The following CARMIL1 variants were observed in gnomAD, a reference collection of about 807,000 sequenced individuals.
The protein encoded by CARMIL1 is capping protein regulator and myosin 1 linker 1, also known as F-actin-uncapping protein LRRC16A.
In CARMIL1, 90 loss-of-function variants were observed where a neutral mutation model predicts 177.1. The ratio of observed to expected loss-of-function variants is 0.51; its 90% CI spans 0.43 to 0.61. CARMIL1 has a LOEUF of 0.61. Ranked by LOEUF, CARMIL1 falls within the 20% of genes least tolerant of loss-of-function variation. CARMIL1 has a pLI of 0.00. For missense variants in CARMIL1, 1,380 were observed against 1,667.0 expected, an observed-to-expected ratio of 0.83 and a Z score of 3.00; for synonymous variants, 577 against 606.2, an observed-to-expected ratio of 0.95 and a Z score of 0.71.
At chr6:25,500,681 T>TA (rs1187075754) in intron 17 of CARMIL1, among the ~76,000 whole-genome samples, 1 of 152,178 alleles carries the variant, frequency 6.6e-6, no homozygotes, top group Non-Finnish European at 1.5e-5. Context: ...AAAATTAACA[T>TA]ACCTCTAGAA....
At chr6:25,319,850 C>G (rs1784553870) in intron 2 of CARMIL1, among the ~76,000 whole-genome samples, 2 of 148,764 alleles carry the variant, frequency 1.3e-5, no homozygotes, top group Non-Finnish European at 3.0e-5. Context: ...CTTACTGAAC[C>G]TCCACCTCCG....
rs139280881 is a variant in CARMIL1, at chr6:25,561,481, T to G, written c.2742+4631T>G. ...TATTGCTGTTCCTAGGAAAAGAATC[T>G]TAAAAAGCTTGAATTATTACAGAAC... On this transcript the variant is annotated intron_variant, in intron 29 of 36. Transcript: ENST00000329474. Among the ~76,000 whole-genome samples the G allele has an allele frequency of 2.6e-3, 389 of 152,318 alleles. 2 individuals carry two copies. The highest frequency in any genetic ancestry group is 8.3e-3 in the African/African-American group (344 of 41,568).
At position 25,299,347 on chromosome 6, in the gene CARMIL1, T is replaced by C. The variant is rs563456599; in HGVS notation, c.138+14438T>C. Reference sequence around the variant, plus strand: ...CACCATACCCAGCTAATTTTTTGTATTTTTAGTAGAGACGGGGTTTTACCA... The same window carrying C: ...CACCATACCCAGCTAATTTTTTGTACTTTTAGTAGAGACGGGGTTTTACCA... On this transcript the variant is annotated intron_variant, in intron 2 of 36. Transcript: ENST00000329474. Among the ~76,000 whole-genome samples the C allele has an allele frequency of 5.3e-5, 8 of 151,516 alleles. No homozygotes were observed. In the South Asian group the frequency reaches 6.3e-4, roughly 12 times the overall value.
intron 29 of CARMIL1, among the ~76,000 whole-genome samples, chr6:25,565,374 G>C (rs1429925878): frequency 2.0e-5 from 3 of 152,208 alleles, no homozygotes; most frequent in Non-Finnish European, 4.4e-5. Flanking sequence ...ACAAGGCCCT[G>C]GTTGTGATGT....
chr6:25,450,758 CCCTCCCTTCCTCCCTCCCCTCCCTCCCTT>C lies in CARMIL1; in HGVS notation c.614+55_614+83del, dbSNP rs779336971. Reference sequence around the variant, plus strand: ...TTCCTCCTTTCCTCCCTCCCTTCCTCCCTCCCTTCCTCCCTCCCCTCCCTCCCTTCCTCCCTCCCTTCCTCCCTCCCCTC... The same window carrying C: ...TTCCTCCTTTCCTCCCTCCCTTCCTCCCTCCCTCCCTTCCTCCCTCCCCTC... On this transcript the variant is annotated intron_variant, in intron 8 of 36. Transcript: ENST00000329474. 44 of 436,006 alleles carry C rather than the reference CCCTCCCTTCCTCCCTCCCCTCCCTCCCTT, an allele frequency of 1.0e-4. No homozygotes were observed. The African/African-American group carries it at 1.5e-3, about 15-fold the overall frequency. The allele number at this position is 436,006 out of a possible 1,614,324, so 27.0% of individuals were successfully genotyped here. A position where few individuals can be genotyped will look rare whatever the true frequency, so the allele number is the denominator to read the frequency against.
chr6:25,537,739 C>CT (rs965728212), intron 24 of CARMIL1, 116 bp from the exon 25 acceptor site: 1 of 1,229,938 alleles, frequency 8.1e-7, no homozygotes, highest in African/African-American at 1.5e-5. Flanking sequence ...GGTTTTCATC[C>CT]TTGTGCATTC....
At chr6:25,453,093 T>C (rs1439408207) in intron 8 of CARMIL1, among the ~76,000 whole-genome samples, 1 of 152,168 alleles carries the variant, frequency 6.6e-6, no homozygotes, top group Non-Finnish European at 1.5e-5. Context: ...CTTCCTCTTG[T>C]ATAATAGCAA....
chr6:25,383,225 G>T (rs573355781), intron 2 of CARMIL1, among the ~76,000 whole-genome samples: 14 of 152,278 alleles, frequency 9.2e-5, no homozygotes, highest in East Asian at 3.9e-4. Flanking sequence ...TGGGTCTGTT[G>T]TTGGGAATAA....
chr6:25,421,937 G>T (rs963669250), intron 3 of CARMIL1, among the ~76,000 whole-genome samples: 1 of 150,640 alleles, frequency 6.6e-6, no homozygotes, highest in Non-Finnish European at 1.5e-5. Context: ...GAGTTAATGG[G>T]TGCAGCACAC....
intron 2 of CARMIL1, among the ~76,000 whole-genome samples, chr6:25,346,612 G>A (rs556223040): frequency 6.6e-6 from 1 of 152,314 alleles, no homozygotes; most frequent in African/African-American, 2.4e-5. Context: ...CTACTGGAGT[G>A]TAAGTTCCAC....
intron 5 of CARMIL1, among the ~76,000 whole-genome samples, chr6:25,441,329 A>ATG (rs1183352138): frequency 1.2e-4 from 6 of 49,584 alleles, no homozygotes; most frequent in African/African-American, 5.0e-4. Flanking sequence ...ACATATATAT[A>ATG]TATATATATG....
chr6:25,585,696 C>G (rs952330514), intron 31 of CARMIL1, among the ~76,000 whole-genome samples: 1 of 152,116 alleles, frequency 6.6e-6, no homozygotes, highest in African/African-American at 2.4e-5. Flanking sequence ...GACCCTGCGG[C>G]CTTCCGCAGT....
In CARMIL1 at chr6:25,604,904, C is replaced by T; in HGVS notation, c.3634+11C>T. ...ATGGAGGTGGGGCAGGTAAGTCAGG[C>T]CATTGCCATCACCCCCTTAGGAAAA... On this transcript the variant is annotated intron_variant, in intron 34 of 36. Transcript: ENST00000329474. 6.3e-7 allele frequency: 1 copy of T among 1,579,458 alleles called. No individual in the cohort carries two copies. The highest frequency in any genetic ancestry group is 8.6e-7 in the Non-Finnish European group (1 of 1,162,410).
intron 23 of CARMIL1, among the ~76,000 whole-genome samples, chr6:25,523,980 A>G (rs1445031846): frequency 6.6e-6 from 1 of 152,204 alleles, no homozygotes; most frequent in Non-Finnish European, 1.5e-5. Flanking sequence ...CATGAGTCCC[A>G]ATGGGCTATC....
chr6:25,562,286 C>T (rs377315476), intron 29 of CARMIL1, among the ~76,000 whole-genome samples: 5 of 150,938 alleles, frequency 3.3e-5, no homozygotes, highest in African/African-American at 7.3e-5. Context: ...CTTGCTCTGT[C>T]GCCCAGGCTA....
intron 2 of CARMIL1, among the ~76,000 whole-genome samples, chr6:25,287,983 C>T (rs550985297): frequency 6.6e-6 from 1 of 152,186 alleles, no homozygotes; most frequent in Non-Finnish European, 1.5e-5. Flanking sequence ...CTTCATGGGA[C>T]TCGAAGCTTA....
chr6:25,423,616 C>A (rs974094754), intron 3 of CARMIL1, among the ~76,000 whole-genome samples: 1 of 152,162 alleles, frequency 6.6e-6, no homozygotes, highest in Non-Finnish European at 1.5e-5. Context: ...GAAGCATAGA[C>A]TGCTGCCTGG....
rs920438676 is a variant in CARMIL1, at chr6:25,461,827, A to G, written c.615-4046A>G. Among the ~76,000 whole-genome samples the G allele has an allele frequency of 3.9e-5, 6 of 152,184 alleles. No individual in the cohort carries two copies. In the East Asian group the frequency reaches 9.7e-4, roughly 25 times the overall value. The stretch of plus-strand genomic sequence containing the variant: ...AGAGTTCCAGTTGCTCTGGGTCCTT[A>G]TTAGCAATTGGTATTGTCAGGTTTT... On this transcript the variant is annotated intron_variant, in intron 8 of 36. Transcript: ENST00000329474.
chr6:25,303,651 CT>C (rs1292718327), intron 2 of CARMIL1, among the ~76,000 whole-genome samples: 1 of 152,232 alleles, frequency 6.6e-6, no homozygotes, highest in Non-Finnish European at 1.5e-5. Flanking sequence ...AGTGTGTTAT[CT>C]TTTACACAAA....
Sources: gnomAD v4.1 joint callset for allele counts (sites outside exome capture counted in the v4.1 genomes callset) on GRCh38, gnomAD v4.1.1 for gene constraint, MANE v1.5 for transcripts, NCBI Gene and HGNC (gene_info 2026-07-23, HGNC 2026-07-21) for gene names.